ACSM6: variants seen among roughly 807,000 people sequenced by gnomAD.
ACSM6 encodes acyl-coenzyme A synthetase ACSM6, mitochondrial.
ACSM6 carries 35 observed loss-of-function variants against 51.1 expected under a neutral mutation model. The ratio of observed to expected loss-of-function variants is 0.69; its 90% CI spans 0.52 to 0.91. The LOEUF (loss-of-function observed/expected upper bound fraction) is 0.91, where lower values mean the gene tolerates loss of function less well. Ranked by LOEUF, ACSM6 falls within the 40% of genes least tolerant of loss-of-function variation. The pLI is 0.00. For missense variants in ACSM6, 509 were observed against 584.1 expected, an observed-to-expected ratio of 0.87 and a Z score of 1.32; for synonymous variants, 172 against 207.3, an observed-to-expected ratio of 0.83 and a Z score of 1.46.
intron 2 of ACSM6, among the ~76,000 whole-genome samples, chr10:95,197,257 G>T (rs1189950506): frequency 6.6e-6 from 1 of 152,184 alleles, no homozygotes; most frequent in African/African-American, 2.4e-5. Context: ...GAGAGACTGA[G>T]AAAAGAATTA....
At chr10:95,213,411 G>A (rs2034914353) in intron 7 of ACSM6, among the ~76,000 whole-genome samples, 1 of 152,100 alleles carries the variant, frequency 6.6e-6, no homozygotes, top group African/African-American at 2.4e-5. Context: ...TTATACCTAT[G>A]TGTATCTACC....
At chr10:95,202,379 T>C (rs1407199793) in intron 3 of ACSM6, among the ~76,000 whole-genome samples, 184 bp downstream of exon 3, 1 of 152,356 alleles carries the variant, frequency 6.6e-6, no homozygotes, top group Non-Finnish European at 1.5e-5. Context: ...CTGTAAATTA[T>C]GCCTCTCTGA....
intron 10 of ACSM6, chr10:95,226,518 A>C (rs558456714): frequency 2.0e-4 from 31 of 152,416 alleles, no homozygotes; most frequent in African/African-American, 6.7e-4. Context: ...GAGTGTAGTG[A>C]GCTGGGTGTG....
At position 95,212,912 on chromosome 10, in the gene ACSM6, G is replaced by C. The variant is rs1326160507; in HGVS notation, c.967G>C (p.Glu323Gln). Reference sequence around the variant, plus strand: ...ATCTGCAAATCCAGAGATGTACCAGGAACTGCTTCAGCACAAGTGTTTCAC... The same window carrying C: ...ATCTGCAAATCCAGAGATGTACCAGCAACTGCTTCAGCACAAGTGTTTCAC... The change falls in exon 7 of 11, where the codon GAA becomes CAA. Residue 323 changes from glutamate to glutamine, a missense_variant. Transcript: ENST00000341686. 6 of 1,613,114 alleles carry C rather than the reference G, an allele frequency of 3.7e-6. No homozygotes were observed. The Admixed American group carries it at 1.0e-4, about 27-fold the overall frequency.
intron 4 of ACSM6, 30 bp from the exon 5 acceptor site, chr10:95,210,620 T>C (rs769296048): frequency 1.2e-6 from 2 of 1,601,974 alleles, no homozygotes; most frequent in South Asian, 2.3e-5. Context: ...TAAATTTAGA[T>C]CTCACTGTTG....
intron 8 of ACSM6, among the ~76,000 whole-genome samples, chr10:95,217,292 G>A (rs915042997): frequency 6.8e-6 from 1 of 148,032 alleles, no homozygotes; most frequent in Non-Finnish European, 1.5e-5. Context: ...AGGTTGCAGT[G>A]AGCCAAGATC....
chr10:95,225,487 G>T, intron 10 of ACSM6, 96 bp downstream of exon 10: 1 of 938,470 alleles, frequency 1.1e-6, no homozygotes, highest in South Asian at 2.2e-5. Flanking sequence ...AAATACTTTT[G>T]TCCCAATTTT....
At chr10:95,220,577 CT>C (rs542641965) in intron 9 of ACSM6, among the ~76,000 whole-genome samples, 1 of 152,200 alleles carries the variant, frequency 6.6e-6, no homozygotes, top group South Asian at 2.1e-4. Context: ...CCTATCTCGC[CT>C]TTTTTTAACA....
At chr10:95,223,161 C>CAG (rs2035009824) in intron 9 of ACSM6, among the ~76,000 whole-genome samples, 1 of 94,112 alleles carries the variant, frequency 1.1e-5, no homozygotes, top group Admixed American at 1.1e-4. Context: ...CACATACAGA[C>CAG]ACACACACAC....
At chr10:95,220,379 G>A (rs1417927547) in intron 9 of ACSM6, among the ~76,000 whole-genome samples, 2 of 152,134 alleles carry the variant, frequency 1.3e-5, no homozygotes, top group Non-Finnish European at 2.9e-5. Flanking sequence ...CTCGGGTGTC[G>A]ATTATTATAA....
chr10:95,226,991 T>C (rs1356100183), intron 10 of ACSM6, among the ~76,000 whole-genome samples: 2 of 145,808 alleles, frequency 1.4e-5, no homozygotes, highest in Admixed American at 1.3e-4. Context: ...ATGACAACTT[T>C]TTTTTTTTTT....
chr10:95,218,838 G>C (rs1421264874), intron 8 of ACSM6, among the ~76,000 whole-genome samples: 1 of 152,142 alleles, frequency 6.6e-6, no homozygotes, highest in African/African-American at 2.4e-5. Flanking sequence ...GTACACTAGA[G>C]AGAGATTACT....
intron 2 of ACSM6, among the ~76,000 whole-genome samples, chr10:95,197,426 G>T (rs1187192487): frequency 7.9e-5 from 12 of 152,252 alleles, no homozygotes; most frequent in East Asian, 5.8e-4. Context: ...GGAGGGCAGG[G>T]TGATAATAAG....
chr10:95,207,139 C>T (rs1479274733), intron 3 of ACSM6, 69 bp from the exon 4 acceptor site: 1 of 1,474,312 alleles, frequency 6.8e-7, no homozygotes, highest in South Asian at 1.2e-5. Context: ...CCATGCCTGC[C>T]AGAATGCTTG....
chr10:95,194,440 C>A (rs1486429560), intron 1 of ACSM6, 25 bp from the exon 2 acceptor site: 11 of 1,513,860 alleles, frequency 7.3e-6, no homozygotes, highest in Middle Eastern at 3.9e-4. Flanking sequence ...TCAATTACTC[C>A]CTGTCTTTTC....
chr10:95,215,823 G>T (rs1290439305), intron 8 of ACSM6, among the ~76,000 whole-genome samples: 2 of 152,230 alleles, frequency 1.3e-5, no homozygotes, highest in Non-Finnish European at 1.5e-5. Context: ...TTTAGGAAGA[G>T]TCCTCTTCTA....
rs924864175 is a variant in ACSM6 at position 95,201,979 on chromosome 10, G to A, written c.193-6G>A. On this transcript the variant is annotated splice_region_variant and splice_polypyrimidine_tract_variant and intron_variant, in intron 2 of 10. Coordinates refer to ENST00000341686, the Ensembl canonical transcript of ACSM6. ...ATATTCATATTTTAAACATCACCCT[G>A]CCTAGGACGGACTCAGAGGGCCTTA... 1.9e-6 allele frequency: 3 copies of A among 1,550,880 alleles called. No individual in the cohort carries two copies. The African/African-American group carries it at 4.1e-5, about 21-fold the overall frequency.
At chr10:95,205,635 A>C (rs1407832095) in intron 3 of ACSM6, among the ~76,000 whole-genome samples, 1 of 152,198 alleles carries the variant, frequency 6.6e-6, no homozygotes, top group African/African-American at 2.4e-5. Context: ...AATCGAAAAC[A>C]TATTTGCAAC....
chr10:95,202,638 G>A (rs2034805940), intron 3 of ACSM6, among the ~76,000 whole-genome samples: 1 of 152,160 alleles, frequency 6.6e-6, no homozygotes, highest in Admixed American at 6.5e-5. Flanking sequence ...AGAGAATGTA[G>A]GGGTACTGGG....
Sources: gnomAD v4.1 joint callset for allele counts (sites outside exome capture counted in the v4.1 genomes callset) on GRCh38, gnomAD v4.1.1 for gene constraint, MANE v1.5 for transcripts, NCBI Gene and HGNC (gene_info 2026-07-23, HGNC 2026-07-21) for gene names.